The following LBH variants were observed in gnomAD, a reference collection of about 807,000 sequenced individuals.
LBH encodes protein LBH.
LBH carries 7 observed loss-of-function variants against 12.5 expected under a neutral mutation model. That is an observed-to-expected ratio of 0.56 (90% CI 0.32 to 1.05). The LOEUF is 1.05. Among genes scored for constraint, LBH ranks in the 50% least tolerant of loss-of-function variants. LBH has a pLI of 0.04. For missense variants in LBH, 119 were observed against 138.9 expected, an observed-to-expected ratio of 0.86 and a Z score of 0.72; for synonymous variants, 51 against 50.1, an observed-to-expected ratio of 1.02 and a Z score of -0.08.
chr2:30,241,618 C>A (rs928191774), intron 2 of LBH, among the ~76,000 whole-genome samples: 4 of 151,864 alleles, frequency 2.6e-5, no homozygotes, highest in African/African-American at 9.7e-5. Context: ...TGCCACCATG[C>A]CGGGCTAATT....
Position 30,234,487 on chromosome 2 carries a change from A to C in LBH, c.109A>C (p.Lys37Gln), listed in dbSNP as rs1677651396. The change falls in exon 2 of 3, where the codon AAG becomes CAG. Residue 37 changes from lysine (K) to glutamine (Q), a missense_variant. Coordinates refer to ENST00000395323, the MANE Select transcript of LBH (RefSeq NM_030915.4). ...PMEEIGLSPR[K>Q]DGLSYQIFPD... ...GGAGGAGATCGGCCTCAGCCCCCGC[A>C]AGGATGGCCTTTCCTACCAGGTGAG... The C allele has an allele frequency of 6.2e-7, 1 of 1,613,716 alleles. No individual in the cohort carries two copies. The highest frequency in any genetic ancestry group is 2.2e-5 in the East Asian group (1 of 44,890).
chr2:30,246,988 AT>A (rs1008442379), intron 2 of LBH, among the ~76,000 whole-genome samples: 7 of 150,168 alleles, frequency 4.7e-5, no homozygotes, highest in Admixed American at 2.0e-4. Context: ...ATGCCTGGCT[AT>A]TTTTTTTTAA....
chr2:30,257,335 G>A (rs1678102910), intron 2 of LBH, 98 bp from the exon 3 acceptor site: 1 of 1,339,576 alleles, frequency 7.5e-7, no homozygotes, highest in African/African-American at 1.4e-5. Context: ...CTGGCCTATG[G>A]CATGCACCCA....
chr2:30,246,268 T>C (rs1194354172), intron 2 of LBH, among the ~76,000 whole-genome samples: 1 of 152,192 alleles, frequency 6.6e-6, no homozygotes, highest in Non-Finnish European at 1.5e-5. Context: ...CATAGTCATC[T>C]TACTGAGGAT....
chr2:30,254,978 T>G (rs760001522), intron 2 of LBH, among the ~76,000 whole-genome samples: 5 of 152,244 alleles, frequency 3.3e-5, no homozygotes, highest in Admixed American at 1.3e-4. Flanking sequence ...ATCTGTGAAA[T>G]GGGGTGGAGA....
intron 2 of LBH, among the ~76,000 whole-genome samples, chr2:30,246,825 C>G (rs553997516): frequency 7.3e-6 from 1 of 136,900 alleles, no homozygotes; most frequent in Admixed American, 7.9e-5. Flanking sequence ...CCCTCCCTCC[C>G]TCCTTTCTTT....
rs1026977158 is a variant in LBH, at chr2:30,231,538, A to T, written c.-201A>T. On this transcript the variant is annotated 5_prime_UTR_variant, in exon 1 of 3. Transcript: ENST00000395323. Reference sequence around the variant, plus strand: ...GCTTCCCGGGCTCTTTGTGGGGCTGAGTGCTCAGTGGAGAGCGGGGAGTTG... The same window carrying T: ...GCTTCCCGGGCTCTTTGTGGGGCTGTGTGCTCAGTGGAGAGCGGGGAGTTG... 54 of 580,572 alleles carry T rather than the reference A, an allele frequency of 9.3e-5. No homozygotes were observed. In the East Asian group the frequency reaches 2.0e-3, roughly 21 times the overall value. 36.0% of individuals were successfully genotyped at this position (580,572 alleles called of 1,614,324 possible).
At chr2:30,247,864 C>T (rs145020574) in intron 2 of LBH, among the ~76,000 whole-genome samples, 112 of 152,340 alleles carry the variant, frequency 7.4e-4, no homozygotes, top group African/African-American at 2.5e-3. Flanking sequence ...TGGTTTGCTG[C>T]CACTATGTTA....
chr2:30,251,880 GT>G (rs1277989763), intron 2 of LBH, among the ~76,000 whole-genome samples: 4 of 152,196 alleles, frequency 2.6e-5, no homozygotes, highest in Non-Finnish European at 4.4e-5. Context: ...AGCCCAGGGC[GT>G]TTGTTTGGCC....
chr2:30,239,512 A>C (rs1321478627), intron 2 of LBH, among the ~76,000 whole-genome samples: 1 of 152,244 alleles, frequency 6.6e-6, no homozygotes, highest in African/African-American at 2.4e-5. Context: ...ACCAGGAAAC[A>C]TCTTTCACAA....
chr2:30,236,139 T>C lies in LBH; in HGVS notation c.129+1632T>C, dbSNP rs1677686339. Among the ~76,000 whole-genome samples the C allele has an allele frequency of 2.6e-5, 4 of 152,234 alleles. No individual in the cohort carries two copies. The South Asian group carries it at 8.3e-4, about 32-fold the overall frequency. ...ATTTCCATCACAGAACCTTTCCAAA[T>C]GCAGTCATCTGTTCATCTTGTGTGT... On this transcript the variant is annotated intron_variant, in intron 2 of 2. Coordinates refer to ENST00000395323, the MANE Select transcript of LBH (RefSeq NM_030915.4).
At chr2:30,255,993 G>C (rs923413400) in intron 2 of LBH, among the ~76,000 whole-genome samples, 1 of 152,224 alleles carries the variant, frequency 6.6e-6, no homozygotes, top group Non-Finnish European at 1.5e-5. Context: ...GGTGGGAAGA[G>C]ATGGCCATGA....
chr2:30,234,280 T>A, intron 1 of LBH, 125 bp from the exon 2 acceptor site: 1 of 752,432 alleles, frequency 1.3e-6, no homozygotes, highest in Non-Finnish European at 2.3e-6. Flanking sequence ...TGCTGCAAGT[T>A]CTGTTTTGAA....
chr2:30,232,322 C>G, intron 1 of LBH: 1 of 1,323,126 alleles, frequency 7.6e-7, no homozygotes, highest in Non-Finnish European at 1.0e-6. Flanking sequence ...CTCTCAACCC[C>G]TGCCCTCTCC....
At chr2:30,233,404 A>G (rs1040270481) in intron 1 of LBH, among the ~76,000 whole-genome samples, 1 of 152,222 alleles carries the variant, frequency 6.6e-6, no homozygotes, top group Non-Finnish European at 1.5e-5. Context: ...TTTCTTATCT[A>G]TGTAGTAACC....
intron 2 of LBH, among the ~76,000 whole-genome samples, chr2:30,249,763 G>A (rs1395391836): frequency 6.6e-6 from 1 of 152,176 alleles, no homozygotes; most frequent in Non-Finnish European, 1.5e-5. Flanking sequence ...TGCTGCTGGG[G>A]GACCCCAGCT....
intron 2 of LBH, 148 bp downstream of exon 2, chr2:30,234,655 T>C: frequency 1.7e-6 from 1 of 602,228 alleles, no homozygotes; most frequent in East Asian, 2.8e-5. Flanking sequence ...CCTCAGTTTC[T>C]TCATCTGTAA....
chr2:30,232,110 C>T, intron 1 of LBH: 4 of 1,542,450 alleles, frequency 2.6e-6, no homozygotes, highest in Non-Finnish European at 3.5e-6. Context: ...CCCCACTTGG[C>T]GCAGGGGGGC....
At chr2:30,250,014 T>A (rs1289854175) in intron 2 of LBH, among the ~76,000 whole-genome samples, 1 of 152,204 alleles carries the variant, frequency 6.6e-6, no homozygotes, top group Non-Finnish European at 1.5e-5. Context: ...TTTCTCATTT[T>A]ACTCGGGAGG....
Sources: allele counts gnomAD v4.1 joint callset (sites outside exome capture counted in the v4.1 genomes callset), GRCh38; gene constraint gnomAD v4.1.1; transcripts MANE v1.5; gene names NCBI Gene and HGNC (gene_info 2026-07-23, HGNC 2026-07-21).